The following GMCL1 variants were observed in gnomAD, a reference collection of about 807,000 sequenced individuals.
The protein encoded by GMCL1 is germ cell-less 1, spermatogenesis associated.
In GMCL1, 54 loss-of-function variants were observed where a neutral mutation model predicts 75.5. The ratio of observed to expected loss-of-function variants is 0.71; its 90% CI spans 0.57 to 0.90. The LOEUF is 0.90. GMCL1 is among the 40% of genes least tolerant of loss of function. The probability of loss-of-function intolerance (pLI) is 0.00; values close to 1 mark genes in which losing one functional copy is unlikely to be tolerated. For synonymous variants in GMCL1, 210 were observed against 209.6 expected, an observed-to-expected ratio of 1.00 and a Z score of -0.02; for missense variants, 537 against 622.7, an observed-to-expected ratio of 0.86 and a Z score of 1.47.
intron 7 of GMCL1, 49 bp downstream of exon 7, chr2:69,847,676 A>G (rs1352171986): frequency 8.2e-6 from 9 of 1,096,942 alleles, no homozygotes; most frequent in South Asian, 1.3e-5. Context: ...CACCTCAGCA[A>G]TGCGTATAAT....
chr2:69,840,882 G>GAC (rs1287924372), intron 3 of GMCL1, 60 bp from the exon 4 acceptor site: 1 of 1,096,006 alleles, frequency 9.1e-7, no homozygotes, highest in African/African-American at 1.6e-5. Context: ...GTTGTTATTT[G>GAC]TATAACACTT....
At chr2:69,859,489 A>T (rs527833278) in intron 9 of GMCL1, among the ~76,000 whole-genome samples, 1 of 151,740 alleles carries the variant, frequency 6.6e-6, no homozygotes. Context: ...AGAAAGATTC[A>T]AAAGTGTATT....
At chr2:69,858,767 A>G (rs1352218796) in intron 9 of GMCL1, among the ~76,000 whole-genome samples, 1 of 152,226 alleles carries the variant, frequency 6.6e-6, no homozygotes, top group Non-Finnish European at 1.5e-5. Context: ...TGACAAGAGG[A>G]ACAAAAATAT....
intron 3 of GMCL1, 118 bp downstream of exon 3, chr2:69,839,671 C>T: frequency 1.7e-6 from 1 of 592,568 alleles, no homozygotes; most frequent in Non-Finnish European, 3.1e-6. Flanking sequence ...TTTATCACCT[C>T]AAGGTGATAA....
At chr2:69,864,081 A>T (rs1013908691) in intron 10 of GMCL1, among the ~76,000 whole-genome samples, 2 of 152,076 alleles carry the variant, frequency 1.3e-5, no homozygotes, top group African/African-American at 4.8e-5. Context: ...CAAATTATTA[A>T]TATTATTATA....
chr2:69,834,590 G>T (rs759361023), intron 1 of GMCL1, among the ~76,000 whole-genome samples: 4 of 152,108 alleles, frequency 2.6e-5, no homozygotes, highest in Non-Finnish European at 5.9e-5. Flanking sequence ...TGAAAAATTT[G>T]ATTCTGGTGT....
intron 7 of GMCL1, 28 bp from the exon 8 acceptor site, chr2:69,849,624 T>G: frequency 7.5e-7 from 1 of 1,331,932 alleles, no homozygotes; most frequent in Non-Finnish European, 1.0e-6. Flanking sequence ...TTCATAATTG[T>G]TTTCTTATTT....
intron 6 of GMCL1, 78 bp downstream of exon 6, chr2:69,844,274 T>C (rs1675071020): frequency 2.6e-6 from 2 of 778,510 alleles, no homozygotes; most frequent in Non-Finnish European, 4.2e-6. Flanking sequence ...ATAACATTTT[T>C]GTAGAACACA....
chr2:69,864,907 G>T lies in GMCL1; in HGVS notation c.1150G>T (p.Glu384Ter), dbSNP rs1189187255. The T allele has an allele frequency of 6.2e-7, 1 of 1,609,630 alleles. No homozygotes were observed. The highest frequency in any genetic ancestry group is 1.3e-5 in the African/African-American group (1 of 74,760). ...TTTTATGTATATTTTTAGGCCTCAA[G>T]AAATCAATAAAGAAGAACTAGAGGG... ...AEQDSEVGPQ[E>*]INKEELEGNS... Residue 384 changes from glutamate to a stop codon, truncating the protein, a stop_gained, in exon 11 of 14, where the codon GAA becomes TAA. Coordinates refer to ENST00000282570, the MANE Select transcript of GMCL1 (RefSeq NM_178439.5). LOFTEE classifies it high-confidence loss of function.
At chr2:69,852,564 G>T (rs1444398658) in intron 8 of GMCL1, among the ~76,000 whole-genome samples, 9 of 149,690 alleles carry the variant, frequency 6.0e-5, no homozygotes, top group African/African-American at 2.2e-4. Context: ...TTGAGACAGA[G>T]TCTTGCTCTG....
chr2:69,868,276 C>T (rs1675878326), intron 11 of GMCL1, among the ~76,000 whole-genome samples: 1 of 152,016 alleles, frequency 6.6e-6, no homozygotes, highest in Admixed American at 6.6e-5. Flanking sequence ...ATCACCTCTA[C>T]TAGGGCAGAA....
chr2:69,846,248 A>C (rs2103973690), intron 6 of GMCL1, among the ~76,000 whole-genome samples: 1 of 152,294 alleles, frequency 6.6e-6, no homozygotes, highest in South Asian at 2.1e-4. Flanking sequence ...GAAACACTTT[A>C]ATACAGTCAA....
intron 13 of GMCL1, among the ~76,000 whole-genome samples, chr2:69,875,019 A>G (rs1461786678): frequency 6.6e-6 from 1 of 152,208 alleles, no homozygotes; most frequent in Non-Finnish European, 1.5e-5. Flanking sequence ...TGCTGGGATT[A>G]CAGGCATGAG....
Position 69,861,363 on chromosome 2 carries a change from CT to C in GMCL1, c.1142+18del. 6.6e-7 allele frequency: 1 copy of C among 1,518,548 alleles called. No individual in the cohort carries two copies. 94.1% of individuals were successfully genotyped at this position (1,518,548 alleles called of 1,614,324 possible). ...GTGAGGTGGGGTAAGTATATTATAC[CT>C]TATCATTTTTCATTAAAAAAATTTG... On this transcript the variant is annotated intron_variant, in intron 10 of 13. Coordinates refer to ENST00000282570, the MANE Select transcript of GMCL1 (RefSeq NM_178439.5).
At chr2:69,851,608 CA>C (rs1226089213) in intron 8 of GMCL1, among the ~76,000 whole-genome samples, 5 of 149,796 alleles carry the variant, frequency 3.3e-5, no homozygotes, top group Non-Finnish European at 5.9e-5. Flanking sequence ...AACTCTGTCT[CA>C]AAAAAAAAGA....
In GMCL1 at chr2:69,880,829, C is replaced by T. The variant is rs1371140083; in HGVS notation, c.*1825C>T. ...CGCCATTGCACTCCAACCTAGGCGA[C>T]AGAGTGAGACTCCGTCTCAAAAAAA... On this transcript the variant is annotated 3_prime_UTR_variant, in exon 14 of 14. Transcript: ENST00000282570. 8.1e-6 allele frequency: 1 copy of T among 124,194 alleles called. No homozygotes were observed. The allele number at this position is 124,194 out of a possible 1,614,324, so 7.7% of individuals were successfully genotyped here.
chr2:69,830,267 C>G, intron 1 of GMCL1, 115 bp downstream of exon 1: 1 of 1,335,386 alleles, frequency 7.5e-7, no homozygotes, highest in South Asian at 1.5e-5. Context: ...GGAGAGGGGA[C>G]GTGCCCTTGA....
In GMCL1 at chr2:69,854,915, C is replaced by A; in HGVS notation, c.1027C>A (p.Leu343Met). 1 of 1,610,152 alleles carries A rather than the reference C, an allele frequency of 6.2e-7. No individual in the cohort carries two copies. Among genetic ancestry groups the A allele is most frequent in the Non-Finnish European group, 8.5e-7 (1 of 1,177,728 alleles). ...HLRLQYIISD[L>M]ASARIIEQDA... The stretch of plus-strand genomic sequence containing the variant: ...AAGGTTACAATATATTATCAGTGAT[C>A]TGGCTTCTGCAAGAATTATTGAACA... Residue 343 changes from leucine (L) to methionine (M), a missense_variant, in exon 9 of 14, where the codon CTG becomes ATG. Physicochemically the swap from Leu to Met is conservative, Grantham distance 15 (BLOSUM62 2). This residue lies in a region of GMCL1 where 345 missense variants were observed against 410.5 expected (regional missense o/e 0.84). Coordinates refer to ENST00000282570, the MANE Select transcript of GMCL1 (RefSeq NM_178439.5).
At position 69,854,925 on chromosome 2, in the gene GMCL1, C is replaced by T; in HGVS notation, c.1037C>T (p.Ala346Val). The T allele has an allele frequency of 6.2e-7, 1 of 1,608,446 alleles. No homozygotes were observed. Among genetic ancestry groups the T allele is most frequent in the Non-Finnish European group, 8.5e-7 (1 of 1,176,912 alleles). The change falls in exon 9 of 14, where the codon GCA becomes GTA. Residue 346 changes from alanine (A) to valine (V), a missense_variant. Transcript: ENST00000282570. ...TATATTATCAGTGATCTGGCTTCTG[C>T]AAGAATTATTGAACAAGATGCTGTA... ...LQYIISDLAS[A>V]RIIEQDAVVP...
Sources: allele counts gnomAD v4.1 joint callset (sites outside exome capture counted in the v4.1 genomes callset), GRCh38; gene constraint gnomAD v4.1.1; regional missense constraint gnomAD v4.1.1; transcripts MANE v1.5; gene names NCBI Gene and HGNC (gene_info 2026-07-23, HGNC 2026-07-21).